The following CSMD3 variants were observed in gnomAD, a reference collection of about 807,000 sequenced individuals.
CSMD3 encodes the protein CUB and Sushi multiple domains 3, also known as CUB and sushi domain-containing protein 3.
A neutral mutation model predicts 435.2 loss-of-function variants in CSMD3; 177 were observed. The ratio of observed to expected loss-of-function variants is 0.41; its 90% CI spans 0.36 to 0.46. The LOEUF (loss-of-function observed/expected upper bound fraction) is 0.46. CSMD3 is among the 20% of genes least tolerant of loss of function. The pLI, the probability that CSMD3 is intolerant of heterozygous loss-of-function variation, is 0.34. For missense variants in CSMD3, 4,265 were observed against 4,504.6 expected, an observed-to-expected ratio of 0.95 and a Z score of 1.52; for synonymous variants, 1,656 against 1,520.5, an observed-to-expected ratio of 1.09 and a Z score of -2.07.
rs1563693921 is a variant in CSMD3, at chr8:112,552,598, C to A, written c.4357G>T (p.Val1453Phe). 5 of 1,611,758 alleles carry A rather than the reference C, an allele frequency of 3.1e-6. No individual in the cohort carries two copies. The highest frequency in any genetic ancestry group is 4.2e-6 in the Non-Finnish European group (5 of 1,178,670). ...WMIEVDPGNI[V>F]SLQFLAFDTE... ...GAGAAAATGAAATTCATTTACCTGA[C>A]AATATTTCCAGGATCTACCTCAATC... The change falls in exon 26 of 71, where the codon GTC becomes TTC. Residue 1453 changes from valine to phenylalanine, a missense_variant. Val to Phe is a conservative substitution (Grantham distance 50, BLOSUM62 -1). Transcript: ENST00000297405.
Position 113,019,568 on chromosome 8 carries a change from T to A in CSMD3, c.918-389A>T, listed in dbSNP as rs560614666. On this transcript the variant is annotated intron_variant, in intron 5 of 70. Coordinates refer to ENST00000297405, the MANE Select transcript of CSMD3 (RefSeq NM_198123.2). ...TATATCTTATTTATTATTTATTATATATATTGTATTCTTATTGTTAATAAT... is the reference window on the plus strand; with the variant it reads ...TATATCTTATTTATTATTTATTATAAATATTGTATTCTTATTGTTAATAAT... Among the ~76,000 whole-genome samples the A allele has an allele frequency of 4.0e-5, 6 of 149,076 alleles. No homozygotes were observed. In the South Asian group the frequency reaches 1.3e-3, roughly 31 times the overall value.
intron 68 of CSMD3, among the ~76,000 whole-genome samples, chr8:112,232,492 C>T (rs910118303): frequency 5.9e-5 from 9 of 151,976 alleles, no homozygotes; most frequent in African/African-American, 2.2e-4. Context: ...AGCTGTAATC[C>T]CAGCTATTCA....
At chr8:112,803,566 A>T (rs2079009455) in intron 12 of CSMD3, among the ~76,000 whole-genome samples, 1 of 152,220 alleles carries the variant, frequency 6.6e-6, no homozygotes, top group South Asian at 2.1e-4. Flanking sequence ...CTGTCCCCAC[A>T]TGAAGACAAA....
intron 16 of CSMD3, among the ~76,000 whole-genome samples, chr8:112,675,528 G>C (rs2075753206): frequency 6.6e-6 from 1 of 152,070 alleles, no homozygotes; most frequent in African/African-American, 2.4e-5. Flanking sequence ...ATGTGAGTCA[G>C]AGTGAGGTAA....
intron 3 of CSMD3, among the ~76,000 whole-genome samples, chr8:113,203,830 A>G (rs972660350): frequency 1.3e-4 from 20 of 152,082 alleles, no homozygotes; most frequent in Non-Finnish European, 2.2e-4. Context: ...TTTTTCTTAT[A>G]TAGGTGAGAG....
chr8:112,242,859 A>G (rs1814299599), intron 65 of CSMD3, among the ~76,000 whole-genome samples: 2 of 152,134 alleles, frequency 1.3e-5, no homozygotes, highest in South Asian at 4.1e-4. Context: ...ACATAAGGAC[A>G]GCTGTTGAAG....
At chr8:112,712,928 TA>T (rs1167545563) in intron 13 of CSMD3, among the ~76,000 whole-genome samples, 2 of 152,080 alleles carry the variant, frequency 1.3e-5, no homozygotes, top group African/African-American at 4.8e-5. Context: ...AGTCTGTCCT[TA>T]AAAATAGATT....
At chr8:113,193,908 C>T (rs72687623) in intron 3 of CSMD3, among the ~76,000 whole-genome samples, 15,435 of 151,262 alleles carry the variant, frequency 0.1, 943 homozygotes, top group Middle Eastern at 0.17. Context: ...TATTATTTAG[C>T]AAATGTATTG....
intron 13 of CSMD3, among the ~76,000 whole-genome samples, chr8:112,706,483 T>C (rs1264060640): frequency 6.6e-6 from 1 of 152,066 alleles, no homozygotes; most frequent in Non-Finnish European, 1.5e-5. Context: ...TTTGAAAGAT[T>C]TGCATGGATG....
chr8:112,307,049 A>T (rs906522815), intron 50 of CSMD3, among the ~76,000 whole-genome samples: 1 of 151,890 alleles, frequency 6.6e-6, no homozygotes, highest in Non-Finnish European at 1.5e-5. Flanking sequence ...AAAAACACAT[A>T]ATCTTTCAAA....
chr8:112,319,714 T>C (rs1211581854), intron 46 of CSMD3, among the ~76,000 whole-genome samples, 187 bp downstream of exon 46: 3 of 152,136 alleles, frequency 2.0e-5, no homozygotes, highest in Admixed American at 1.3e-4. Context: ...AAAATTAATT[T>C]TTCTTCTCTA....
At chr8:112,688,360 TAA>T (rs2076058109) in intron 14 of CSMD3, among the ~76,000 whole-genome samples, 1 of 152,156 alleles carries the variant, frequency 6.6e-6, no homozygotes, top group South Asian at 2.1e-4. Flanking sequence ...ACTCATAACT[TAA>T]GATGATACTT....
intron 45 of CSMD3, among the ~76,000 whole-genome samples, chr8:112,329,406 A>G (rs949087678): frequency 1.3e-5 from 2 of 152,172 alleles, no homozygotes; most frequent in Non-Finnish European, 2.9e-5. Flanking sequence ...CACTAATTAT[A>G]TAGGTATATT....
chr8:112,634,034 T>C (rs1464552476), intron 22 of CSMD3, among the ~76,000 whole-genome samples: 2 of 152,034 alleles, frequency 1.3e-5, no homozygotes, highest in African/African-American at 4.8e-5. Flanking sequence ...AGGCTTTCTA[T>C]GCAGTTGGCA....
At chr8:113,296,894 T>C (rs897875654) in intron 2 of CSMD3, among the ~76,000 whole-genome samples, 3 of 152,104 alleles carry the variant, frequency 2.0e-5, no homozygotes, top group African/African-American at 4.8e-5. Context: ...AACAACTAGA[T>C]AAAAAATTTA....
chr8:112,293,916 TA>T (rs1820015369), intron 54 of CSMD3, among the ~76,000 whole-genome samples: 1 of 152,078 alleles, frequency 6.6e-6, no homozygotes, highest in South Asian at 2.1e-4. Flanking sequence ...AAATTATCAA[TA>T]AAGAAACCAG....
intron 1 of CSMD3, among the ~76,000 whole-genome samples, chr8:113,397,468 T>G (rs1309606612): frequency 6.6e-6 from 1 of 152,144 alleles, no homozygotes; most frequent in African/African-American, 2.4e-5. Context: ...CTTTTAAAAT[T>G]TAATATATGT....
intron 1 of CSMD3, among the ~76,000 whole-genome samples, chr8:113,345,783 G>A (rs778594335): frequency 1.3e-5 from 2 of 152,078 alleles, no homozygotes; most frequent in Non-Finnish European, 2.9e-5. Context: ...CAGTTGAAGA[G>A]ACAGGCACAG....
Position 113,179,125 on chromosome 8 carries a change from T to A in CSMD3, c.515-5209A>T, listed in dbSNP as rs138289518. On this transcript the variant is annotated intron_variant, in intron 3 of 70. Coordinates refer to ENST00000297405, the MANE Select transcript of CSMD3 (RefSeq NM_198123.2). ...TAAAACGGATTATCAAAATTAATTT[T>A]AAAAAAATTAGTAGCCAAAATGATG... 8.3e-3 allele frequency among the ~76,000 whole-genome samples: 1,266 copies of A among 151,814 alleles called. 16 individuals are homozygous for A. The highest frequency in any genetic ancestry group is 0.028 in the African/African-American group (1,182 of 41,488).
Sources: allele counts gnomAD v4.1 joint callset (sites outside exome capture counted in the v4.1 genomes callset), GRCh38; gene constraint gnomAD v4.1.1; transcripts MANE v1.5; gene names NCBI Gene and HGNC (gene_info 2026-07-23, HGNC 2026-07-21).